Variants in SLIT2 observed in about 807,000 individuals in gnomAD.
The protein encoded by SLIT2 is slit homolog 2 protein.
Under a neutral mutation model 185.7 loss-of-function variants are expected in SLIT2, and 41 were observed. The observed-to-expected ratio is 0.22, with a 90% confidence interval of 0.17 to 0.29. The LOEUF is 0.29. Among genes scored for constraint, SLIT2 ranks in the 10% least tolerant of loss-of-function variants. The pLI, the probability that SLIT2 is intolerant of heterozygous loss-of-function variation, is 1.00. For synonymous variants in SLIT2, 693 were observed against 680.2 expected (o/e 1.02, Z -0.29); for missense variants, 1,571 against 1,909.0 (o/e 0.82, Z 3.30).
At chr4:20,483,814 A>G (rs756701384) in intron 6 of SLIT2, among the ~76,000 whole-genome samples, 1 of 152,136 alleles carries the variant, frequency 6.6e-6, no homozygotes, top group Non-Finnish European at 1.5e-5. Context: ...AATGTTCACA[A>G]CTAAATAATT....
rs1729975365 is a variant in SLIT2 at position 20,620,174 on chromosome 4, A to G, written c.*1165A>G. ...ATGGTGTGTAGCAATCAACACTAGA[A>G]AGTAGACCTTTTGCAAATTAATATG... is the stretch of plus-strand genomic sequence containing the variant. On this transcript the variant is annotated 3_prime_UTR_variant, in exon 37 of 37. Coordinates refer to ENST00000504154, the MANE Select transcript of SLIT2 (RefSeq NM_004787.4). The G allele has an allele frequency of 3.2e-6, 1 of 308,158 alleles. No homozygotes were observed. Among genetic ancestry groups the G allele is most frequent in the Non-Finnish European group, 6.3e-6 (1 of 159,654 alleles). 19.1% of individuals were successfully genotyped at this position (308,158 alleles called of 1,614,324 possible).
intron 4 of SLIT2, among the ~76,000 whole-genome samples, chr4:20,307,134 T>TCCTCCCTCCCTC (rs1194947629): frequency 1.4e-4 from 4 of 29,426 alleles, no homozygotes; most frequent in African/African-American, 2.8e-4. Context: ...TTCCCTCCCT[T>TCCTCCCTCCCTC]CCTCCCTCCC....
At chr4:20,579,294 G>A (rs1178854370) in intron 29 of SLIT2, among the ~76,000 whole-genome samples, 1 of 146,322 alleles carries the variant, frequency 6.8e-6, no homozygotes, top group African/African-American at 2.5e-5. Flanking sequence ...ACAAGACTCC[G>A]TCTAGGGAAA....
At chr4:20,531,389 C>A (rs1304484442) in intron 16 of SLIT2, among the ~76,000 whole-genome samples, 5 of 152,154 alleles carry the variant, frequency 3.3e-5, no homozygotes, top group African/African-American at 1.2e-4. Context: ...TTACATGATT[C>A]CGTTTATGCA....
Position 20,511,598 on chromosome 4 carries a change from T to TTTTTTTTTTTTTTTA in SLIT2, c.1058+466_1058+467insTTTTTTTTTATTTTT, listed in dbSNP as rs1194687099. Among the ~76,000 whole-genome samples, 21 of 141,750 alleles carry TTTTTTTTTTTTTTTA rather than the reference T, an allele frequency of 1.5e-4. 2 individuals are homozygous for TTTTTTTTTTTTTTTA. The highest frequency in any genetic ancestry group is 3.1e-4 in the African/African-American group (12 of 38,306). The allele number at this position is 141,750 out of a possible 152,430, so 93.0% of individuals were successfully genotyped here. A position where few individuals can be genotyped will look rare whatever the true frequency, so the allele number is the denominator to read the frequency against. On this transcript the variant is annotated intron_variant, in intron 11 of 36. Coordinates refer to ENST00000504154, the MANE Select transcript of SLIT2 (RefSeq NM_004787.4). Reference sequence around the variant, plus strand: ...ACCACATCCAGCTAATTTTTTTTTTTTTTTTATTTTTGGTAGAGATGGAAT... The same window carrying TTTTTTTTTTTTTTTA: ...ACCACATCCAGCTAATTTTTTTTTTTTTTTTTTTTTTTTTATTTTTATTTTTGGTAGAGATGGAAT...
At chr4:20,412,003 G>T (rs1370384609) in intron 4 of SLIT2, among the ~76,000 whole-genome samples, 1 of 152,128 alleles carries the variant, frequency 6.6e-6, no homozygotes, top group Non-Finnish European at 1.5e-5. Context: ...ACTGAGAGTT[G>T]TGAGAAACCA....
chr4:20,311,828 A>C (rs1270963434), intron 4 of SLIT2, among the ~76,000 whole-genome samples: 6 of 152,230 alleles, frequency 3.9e-5, no homozygotes, highest in African/African-American at 1.4e-4. Context: ...TATCTGAATT[A>C]GTATTCAGAT....
chr4:20,465,964 C>CTTTT (rs34983010), intron 4 of SLIT2, among the ~76,000 whole-genome samples: 1 of 146,080 alleles, frequency 6.8e-6, no homozygotes. Context: ...CTCTTTGAGG[C>CTTTT]TTTTTTTTTT....
At chr4:20,512,810 T>C (rs903308837) in intron 11 of SLIT2, among the ~76,000 whole-genome samples, 15 of 152,320 alleles carry the variant, frequency 9.8e-5, no homozygotes, top group African/African-American at 3.4e-4. Flanking sequence ...GAAATTCTTA[T>C]TTATATCGGC....
At chr4:20,319,047 A>C (rs1047791337) in intron 4 of SLIT2, among the ~76,000 whole-genome samples, 1 of 152,160 alleles carries the variant, frequency 6.6e-6, no homozygotes, top group African/African-American at 2.4e-5. Context: ...GGATTTAATA[A>C]ACAAAAGATC....
intron 9 of SLIT2, among the ~76,000 whole-genome samples, chr4:20,506,494 T>C (rs749516106): frequency 1.1e-4 from 16 of 151,986 alleles, no homozygotes; most frequent in Non-Finnish European, 1.8e-4. Flanking sequence ...TGCTAGAAAA[T>C]GTAAATTTTA....
rs1384538907 is a variant in SLIT2, at chr4:20,472,383, T to TAG, written c.467+4561_467+4562insGA. ...CTATATAGATATCTATATCTATATA[T>TAG]ATGTAGATATATAGATATAGATATC... On this transcript the variant is annotated intron_variant, in intron 5 of 36. Coordinates refer to ENST00000504154, the MANE Select transcript of SLIT2 (RefSeq NM_004787.4). Among the ~76,000 whole-genome samples the TAG allele has an allele frequency of 1.5e-3, 55 of 36,990 alleles. 2 individuals are homozygous for TAG. Among genetic ancestry groups the TAG allele is most frequent in the African/African-American group, 5.9e-3 (45 of 7,602 alleles). 24.3% of individuals were successfully genotyped at this position (36,990 alleles called of 152,430 possible). A position where few individuals can be genotyped will look rare whatever the true frequency, so the allele number is the denominator to read the frequency against.
At chr4:20,519,848 C>T (rs540898751) in intron 12 of SLIT2, among the ~76,000 whole-genome samples, 3 of 151,654 alleles carry the variant, frequency 2.0e-5, no homozygotes, top group South Asian at 2.1e-4. Flanking sequence ...CTGGCTAACA[C>T]GGTGAAACCC....
rs1232522999 is a variant in SLIT2 at position 20,510,562 on chromosome 4, C to T, written c.982C>T (p.Arg328Ter). 1 of 1,583,484 alleles carries T rather than the reference C, an allele frequency of 6.3e-7. No homozygotes were observed. Among genetic ancestry groups the T allele is most frequent in the Non-Finnish European group, 8.7e-7 (1 of 1,153,050 alleles). ...GAFSPYKKLR[R>*]IDLSNNQISE... ...TTTCTCACCATATAAAAAGCTTAGA[C>T]GAATGTGAGTGAACAATATTCTACA... The change falls in exon 10 of 37, where the codon CGA becomes TGA. Residue 328 changes from arginine to a stop codon, truncating the protein, a stop_gained. Transcript: ENST00000504154. LOFTEE classifies it high-confidence loss of function.
rs770291082 is a variant in SLIT2 at position 20,575,917 on chromosome 4, G to A, written c.3088+6913G>A. Among the ~76,000 whole-genome samples, 7 of 151,192 alleles carry A rather than the reference G, an allele frequency of 4.6e-5. 1 individual carries two copies. In the South Asian group the frequency reaches 6.3e-4, roughly 14 times the overall value. ...TTTGTGTAGGTAAGGGGAAAAGTTC[G>A]GGTTTCTCTTCCTGGCACGAATATT... is the stretch of plus-strand genomic sequence containing the variant. On this transcript the variant is annotated intron_variant, in intron 29 of 36. Coordinates refer to ENST00000504154, the MANE Select transcript of SLIT2 (RefSeq NM_004787.4).
chr4:20,467,862 TTATC>T, intron 5 of SLIT2, 39 bp downstream of exon 5: 1 of 1,027,290 alleles, frequency 9.7e-7, no homozygotes, highest in Non-Finnish European at 1.4e-6. Context: ...TTTTAAGTCA[TTATC>T]TATTTTCAAA....
At chr4:20,283,194 GTCTC>G (rs1387572326) in intron 4 of SLIT2, among the ~76,000 whole-genome samples, 1 of 151,934 alleles carries the variant, frequency 6.6e-6, no homozygotes, top group East Asian at 1.9e-4. Context: ...TAGCTTAACT[GTCTC>G]TCTCTTCCCT....
chr4:20,410,853 C>A (rs901487593), intron 4 of SLIT2, among the ~76,000 whole-genome samples: 2 of 152,030 alleles, frequency 1.3e-5, no homozygotes, highest in East Asian at 3.9e-4. Flanking sequence ...AGTGTGATGC[C>A]TCCAGCTTTA....
rs147827737 is a variant in SLIT2 at position 20,567,389 on chromosome 4, A to C, written c.2850+3A>C. On this transcript the variant is annotated splice_donor_region_variant and intron_variant, in intron 27 of 36. Coordinates refer to ENST00000504154, the MANE Select transcript of SLIT2 (RefSeq NM_004787.4). ...GCACCTGTCCATATGGTTTCAAGGT[A>C]AGTAAAAGCACTTTAAGAGTCACAG... The C allele has an allele frequency of 1.1e-4, 174 of 1,613,228 alleles. No homozygotes were observed. Among genetic ancestry groups the C allele is most frequent in the Non-Finnish European group, 1.4e-4 (163 of 1,179,410 alleles).
Sources: gnomAD v4.1 joint callset for allele counts (sites outside exome capture counted in the v4.1 genomes callset) on GRCh38, gnomAD v4.1.1 for gene constraint, MANE v1.5 for transcripts, NCBI Gene and HGNC (gene_info 2026-07-23, HGNC 2026-07-21) for gene names.